FRMD3: variants seen among roughly 807,000 people sequenced by gnomAD.
The protein encoded by FRMD3 is FERM domain-containing protein 3.
Under a neutral mutation model 70.2 loss-of-function variants are expected in FRMD3, and 33 were observed. That is an observed-to-expected ratio of 0.47 (90% CI 0.36 to 0.63). The LOEUF is 0.63. FRMD3 is among the 20% of genes least tolerant of loss of function. The pLI, the probability that FRMD3 is intolerant of heterozygous loss-of-function variation, is 0.00. For missense variants in FRMD3, 632 were observed against 711.4 expected, an observed-to-expected ratio of 0.89 and a Z score of 1.27; for synonymous variants, 279 against 255.9, an observed-to-expected ratio of 1.09 and a Z score of -0.86.
intron 1 of FRMD3, among the ~76,000 whole-genome samples, chr9:83,530,592 A>G (rs1399829768): frequency 6.6e-6 from 1 of 152,220 alleles, no homozygotes; most frequent in Non-Finnish European, 1.5e-5. Context: ...CTCTCTGAAT[A>G]TATTAAAAAT....
chr9:83,305,567 C>G (rs939698539), intron 10 of FRMD3, among the ~76,000 whole-genome samples: 4 of 152,150 alleles, frequency 2.6e-5, no homozygotes, highest in Non-Finnish European at 5.9e-5. Context: ...AGCAAATGCA[C>G]CCAGGTCAGT....
upstream of FRMD3, among the ~76,000 whole-genome samples, chr9:83,541,758 C>T (rs1830001963): frequency 6.6e-6 from 1 of 152,132 alleles, no homozygotes; most frequent in Admixed American, 6.5e-5. Flanking sequence ...AAGTAGACTT[C>T]AGAATGGTGT....
intron 1 of FRMD3, among the ~76,000 whole-genome samples, chr9:83,442,617 C>T (rs1021033807): frequency 3.9e-5 from 6 of 151,946 alleles, no homozygotes; most frequent in Non-Finnish European, 7.4e-5. Flanking sequence ...TGTCTGACTC[C>T]TGAGCCTGAG....
At chr9:83,366,277 T>C (rs1013168880) in intron 3 of FRMD3, among the ~76,000 whole-genome samples, 3 of 152,152 alleles carry the variant, frequency 2.0e-5, no homozygotes, top group Admixed American at 6.6e-5. Flanking sequence ...AATTCAACAC[T>C]AGGAGATCCT....
At chr9:83,321,398 A>C (rs1835795413) in intron 6 of FRMD3, among the ~76,000 whole-genome samples, 2 of 152,140 alleles carry the variant, frequency 1.3e-5, no homozygotes, top group South Asian at 4.1e-4. Context: ...CATTAATTTC[A>C]AAAAGTTTTT....
intron 1 of FRMD3, among the ~76,000 whole-genome samples, chr9:83,437,956 G>T (rs145103886): frequency 8.4e-4 from 128 of 152,230 alleles, no homozygotes; most frequent in Middle Eastern, 3.4e-3. Context: ...AGAGAGAAGG[G>T]GGCATGTGAG....
At chr9:83,467,753 C>T (rs1201958854) in intron 1 of FRMD3, 2 of 1,504,152 alleles carry the variant, frequency 1.3e-6, no homozygotes, top group Non-Finnish European at 8.9e-7. Flanking sequence ...CCAATCTAAG[C>T]TCGCTGCAGT....
chr9:83,305,337 C>A (rs1177476996), intron 10 of FRMD3, among the ~76,000 whole-genome samples: 2 of 152,232 alleles, frequency 1.3e-5, no homozygotes, highest in Non-Finnish European at 2.9e-5. Flanking sequence ...AGTAATACAG[C>A]AGCAGCTTCT....
At chr9:83,438,659 CA>C (rs1827209639) in intron 1 of FRMD3, among the ~76,000 whole-genome samples, 1 of 152,200 alleles carries the variant, frequency 6.6e-6, no homozygotes, top group African/African-American at 2.4e-5. Flanking sequence ...CTCTGCCTCC[CA>C]AAGTGCTGAG....
chr9:83,363,681 A>G (rs985923258), intron 3 of FRMD3, among the ~76,000 whole-genome samples: 6 of 150,824 alleles, frequency 4.0e-5, no homozygotes, highest in Non-Finnish European at 8.8e-5. Flanking sequence ...CAGCCTCCTG[A>G]GTAGCTGGGA....
chr9:83,335,200 G>A (rs1167470581), intron 6 of FRMD3, among the ~76,000 whole-genome samples: 2 of 152,124 alleles, frequency 1.3e-5, no homozygotes, highest in Admixed American at 6.6e-5. Flanking sequence ...AATCAGAAAG[G>A]TTTACTTATT....
chr9:83,307,292 AC>A (rs1270005802), intron 10 of FRMD3, among the ~76,000 whole-genome samples: 1 of 152,230 alleles, frequency 6.6e-6, no homozygotes, highest in African/African-American at 2.4e-5. Context: ...ATATAGAGTT[AC>A]CCTATGACCC....
At chr9:83,390,071 C>T (rs59288178) in intron 1 of FRMD3, among the ~76,000 whole-genome samples, 40,033 of 152,178 alleles carry the variant, frequency 0.26, 5,330 homozygotes, top group East Asian at 0.31. Context: ...TCATGTAACA[C>T]ATACAACGGC....
intron 2 of FRMD3, 132 bp downstream of exon 2, chr9:83,389,472 T>A (rs989842892): frequency 5.8e-5 from 38 of 659,926 alleles, no homozygotes; most frequent in Non-Finnish European, 9.3e-5. Context: ...CCTCTTCTGC[T>A]CACACAGGGT....
At chr9:83,336,676 C>T (rs1823590854) in intron 5 of FRMD3, among the ~76,000 whole-genome samples, 1 of 142,104 alleles carries the variant, frequency 7.0e-6, no homozygotes. Flanking sequence ...ATCCTAAGCC[C>T]CCCAACAGAC....
At chr9:83,335,067 G>C (rs1280685957) in intron 6 of FRMD3, among the ~76,000 whole-genome samples, 1 of 152,182 alleles carries the variant, frequency 6.6e-6, no homozygotes, top group Admixed American at 6.5e-5. Context: ...AAGAGGATCA[G>C]ACACTAAATC....
intron 6 of FRMD3, among the ~76,000 whole-genome samples, chr9:83,318,594 A>G (rs1835674544): frequency 6.6e-6 from 1 of 152,168 alleles, no homozygotes; most frequent in South Asian, 2.1e-4. Context: ...TGTAATAAAC[A>G]TATGAGTGCC....
intron 1 of FRMD3, among the ~76,000 whole-genome samples, chr9:83,522,844 T>G (rs1173211767): frequency 6.6e-6 from 1 of 152,134 alleles, no homozygotes; most frequent in Non-Finnish European, 1.5e-5. Context: ...ATTACAGGCG[T>G]GAGCCACCGC....
chr9:83,360,837 G>C (rs11140052), intron 3 of FRMD3, among the ~76,000 whole-genome samples: 1 of 152,020 alleles, frequency 6.6e-6, no homozygotes, highest in Non-Finnish European at 1.5e-5. Flanking sequence ...TAAAATTAAG[G>C]GTTTTTGTCA....
Sources: allele counts gnomAD v4.1 joint callset (sites outside exome capture counted in the v4.1 genomes callset), GRCh38; gene constraint gnomAD v4.1.1; transcripts MANE v1.5; gene names NCBI Gene and HGNC (gene_info 2026-07-23, HGNC 2026-07-21).